DIAPH2: variants seen among roughly 807,000 people sequenced by gnomAD.
DIAPH2 encodes protein diaphanous homolog 2.
Under a neutral mutation model 92.7 loss-of-function variants are expected in DIAPH2, and 35 were observed. The ratio of observed to expected loss-of-function variants is 0.38; its 90% CI spans 0.29 to 0.50. DIAPH2 has a LOEUF of 0.50. DIAPH2 is among the 20% of genes least tolerant of loss of function. The pLI is 0.94. For missense variants in DIAPH2, 701 were observed against 819.5 expected (o/e 0.86, Z 1.77); for synonymous variants, 301 against 280.4 (o/e 1.07, Z -0.73).
intron 26 of DIAPH2, chrX:97,469,986 C>G: frequency 2.4e-6 from 1 of 409,397 alleles, no homozygotes; most frequent in Non-Finnish European, 3.8e-6. Flanking sequence ...GATATATAGT[C>G]TACAATGAAT....
At chrX:96,736,842 G>A (rs1042789791) in intron 2 of DIAPH2, among the ~76,000 whole-genome samples, 9 of 112,231 alleles carry the variant, frequency 8.0e-5, no homozygotes, top group Non-Finnish European at 1.7e-4. Flanking sequence ...TAAATATTAA[G>A]TGATATGAAG....
intron 25 of DIAPH2, among the ~76,000 whole-genome samples, chrX:97,394,393 G>A (rs1423587238): frequency 8.9e-6 from 1 of 111,810 alleles, no homozygotes; most frequent in African/African-American, 3.2e-5. Flanking sequence ...GAGAAAAAGT[G>A]TATCTGGCTG....
intron 23 of DIAPH2, among the ~76,000 whole-genome samples, chrX:97,297,076 CTTTTTTTTTTTTTTTTTTTT>C (rs57145821): frequency 1.9e-4 from 4 of 20,719 alleles, no homozygotes; most frequent in Non-Finnish European, 2.4e-4. Flanking sequence ...CAGGCCTGGC[CTTTTTTTTTTTTTTTTTTTT>C]TTTTTTTTTT....
intron 15 of DIAPH2, among the ~76,000 whole-genome samples, chrX:96,952,980 G>A (rs1003002830): frequency 9.2e-6 from 1 of 108,503 alleles, no homozygotes; most frequent in Admixed American, 9.9e-5. Context: ...TTAGCCTGGG[G>A]TAGTGGTGCA....
At chrX:96,831,615 T>C (rs766092106) in intron 4 of DIAPH2, among the ~76,000 whole-genome samples, 3 of 112,637 alleles carry the variant, frequency 2.7e-5, no homozygotes, top group Admixed American at 9.4e-5. Context: ...AAAATACTTG[T>C]AGATCAATTG....
intron 26 of DIAPH2, among the ~76,000 whole-genome samples, chrX:97,441,640 A>G (rs1028460509): frequency 1.1e-3 from 118 of 109,953 alleles, no homozygotes; most frequent in Non-Finnish European, 8.9e-4. Context: ...ATATGGTGAA[A>G]CCCTGTCTCT....
At chrX:96,767,064 G>A (rs771428670) in intron 4 of DIAPH2, among the ~76,000 whole-genome samples, 2 of 111,217 alleles carry the variant, frequency 1.8e-5, no homozygotes, top group African/African-American at 3.3e-5. Flanking sequence ...ATCTTGATCC[G>A]CTCTCCCATT....
chrX:97,149,968 A>G (rs918900449), intron 22 of DIAPH2, among the ~76,000 whole-genome samples: 2 of 110,419 alleles, frequency 1.8e-5, no homozygotes, highest in Admixed American at 1.9e-4. Flanking sequence ...CTTTAAAATA[A>G]GAGAAAAAAT....
rs752625522 is a variant in DIAPH2, at chrX:97,503,936, G to A, written c.3241+74191G>A. Among the ~76,000 whole-genome samples, 12 of 111,523 alleles carry A rather than the reference G, an allele frequency of 1.1e-4. No individual in the cohort carries two copies. In the East Asian group the frequency reaches 3.1e-3, roughly 29 times the overall value. On this transcript the variant is annotated intron_variant, in intron 26 of 26. Coordinates refer to ENST00000324765, the MANE Select transcript of DIAPH2 (RefSeq NM_006729.5). ...AATTTTTTTTCAAACTAAATAGTCA[G>A]CTATGTTAAGTAGCCTCACATTAAA...
chrX:97,423,238 C>T (rs1442757083), intron 25 of DIAPH2, among the ~76,000 whole-genome samples: 4 of 111,397 alleles, frequency 3.6e-5, no homozygotes, highest in Non-Finnish European at 5.6e-5. Context: ...TAGAGGAAGA[C>T]ACTGTATCTT....
intron 22 of DIAPH2, among the ~76,000 whole-genome samples, chrX:97,193,751 T>C (rs1463936238): frequency 8.9e-6 from 1 of 112,187 alleles, no homozygotes; most frequent in African/African-American, 3.2e-5. Flanking sequence ...GATTTTAGCA[T>C]CCTCACAAAA....
intron 5 of DIAPH2, among the ~76,000 whole-genome samples, chrX:96,894,399 A>G (rs1177362930): frequency 9.0e-6 from 1 of 111,581 alleles, no homozygotes; most frequent in Non-Finnish European, 1.9e-5. Context: ...AGTTAAACAC[A>G]TTTTTAAAAA....
intron 1 of DIAPH2, among the ~76,000 whole-genome samples, chrX:96,729,388 C>T (rs188920134): frequency 2.3e-4 from 26 of 111,975 alleles, no homozygotes; most frequent in African/African-American, 8.1e-4. Flanking sequence ...AAGTGACTTC[C>T]TCCAATTCAT....
chrX:97,158,409 C>T (rs749314235), intron 22 of DIAPH2, among the ~76,000 whole-genome samples: 9 of 110,584 alleles, frequency 8.1e-5, no homozygotes, highest in Non-Finnish European at 1.7e-4. Context: ...ACAGACAGAG[C>T]AGCATTTCTA....
At chrX:97,441,824 TAAATA>T (rs1306274575) in intron 26 of DIAPH2, among the ~76,000 whole-genome samples, 8 of 112,730 alleles carry the variant, frequency 7.1e-5, no homozygotes, top group Middle Eastern at 4.6e-3. Flanking sequence ...AAAAAATAAA[TAAATA>T]AAATAAAATA....
chrX:97,452,883 T>A (rs1009280940), intron 26 of DIAPH2, among the ~76,000 whole-genome samples: 1 of 112,040 alleles, frequency 8.9e-6, no homozygotes, highest in African/African-American at 3.2e-5. Context: ...ATCAATTACA[T>A]ATCCCTCTTG....
chrX:97,380,569 C>T (rs777765352), intron 24 of DIAPH2, among the ~76,000 whole-genome samples: 21 of 110,767 alleles, frequency 1.9e-4, no homozygotes, highest in African/African-American at 6.6e-4. Context: ...TACATCCCAT[C>T]CCTCAAAATA....
At position 97,058,010 on chromosome X, in the gene DIAPH2, A is replaced by G. The variant is rs1036166423; in HGVS notation, c.2051-14931A>G. Among the ~76,000 whole-genome samples, 7 of 110,394 alleles carry G rather than the reference A, an allele frequency of 6.3e-5. No homozygotes were observed. In the East Asian group the frequency reaches 2.0e-3, roughly 31 times the overall value. ...AAGGTGTGGTACTTGCTTACTGTCT[A>G]TGTAGACTTTATTTTGCTAGTTGAT... On this transcript the variant is annotated intron_variant, in intron 17 of 26. Transcript: ENST00000324765.
At chrX:96,933,723 C>T (rs2065637305) in intron 10 of DIAPH2, among the ~76,000 whole-genome samples, 1 of 106,641 alleles carries the variant, frequency 9.4e-6, no homozygotes, top group African/African-American at 3.4e-5. Flanking sequence ...TGTGCCTCAA[C>T]CTCCTGAGTA....
Sources: gnomAD v4.1 joint callset for allele counts (sites outside exome capture counted in the v4.1 genomes callset) on GRCh38, gnomAD v4.1.1 for gene constraint, MANE v1.5 for transcripts, NCBI Gene and HGNC (gene_info 2026-07-23, HGNC 2026-07-21) for gene names.